Variants in PRMT9 observed in about 807,000 individuals in gnomAD.
PRMT9 encodes protein arginine methyltransferase 9.
In PRMT9, 59 loss-of-function variants were observed where a neutral mutation model predicts 83.2. That is an observed-to-expected ratio of 0.71 (90% CI 0.57 to 0.88). The LOEUF (loss-of-function observed/expected upper bound fraction) is 0.88, where lower values mean the gene tolerates loss of function less well. PRMT9 is among the 40% of genes least tolerant of loss of function. The pLI, the probability that PRMT9 is intolerant of heterozygous loss-of-function variation, is 0.00. For synonymous variants in PRMT9, 333 were observed against 353.2 expected, an observed-to-expected ratio of 0.94 and a Z score of 0.64; for missense variants, 947 against 1,021.9, an observed-to-expected ratio of 0.93 and a Z score of 1.00.
intron 10 of PRMT9, among the ~76,000 whole-genome samples, chr4:147,640,429 TTA>T (rs1733319778): frequency 2.0e-5 from 3 of 152,010 alleles, no homozygotes; most frequent in Non-Finnish European, 2.9e-5. Flanking sequence ...GCTCATAACT[TTA>T]TGAGTTCTCT....
In PRMT9 at chr4:147,673,017, T is replaced by G. The variant is rs765702962; in HGVS notation, c.685A>C (p.Ile229Leu). The G allele has an allele frequency of 6.8e-6, 11 of 1,613,918 alleles. No homozygotes were observed. The African/African-American group carries it at 1.3e-4, about 20-fold the overall frequency. The part of the protein sequence containing the change: ...VVAANKMEAG[I>L]KLLHTKSLDI... ...AGTGACTTCGTATGTAAGAGTTTGA[T>G]CCCTGCTTCCATCTTGTTTGCTGCC... is the stretch of plus-strand genomic sequence containing the variant. Residue 229 changes from isoleucine (I) to leucine (L), a missense_variant, in exon 4 of 12, where the codon ATC becomes CTC. Coordinates refer to ENST00000322396, the MANE Select transcript of PRMT9 (RefSeq NM_138364.4).
chr4:147,644,835 C>G (rs934003305), intron 9 of PRMT9, among the ~76,000 whole-genome samples: 55 of 152,164 alleles, frequency 3.6e-4, no homozygotes, highest in Admixed American at 2.6e-4. Context: ...GTGGGTGGGC[C>G]ACCTACTGAC....
At chr4:147,653,464 A>C (rs1015179435) in intron 9 of PRMT9, among the ~76,000 whole-genome samples, 1 of 151,166 alleles carries the variant, frequency 6.6e-6, no homozygotes, top group African/African-American at 2.4e-5. Flanking sequence ...ATATATATAT[A>C]TATATCTTGG....
At chr4:147,643,360 G>A (rs1018087447) in intron 9 of PRMT9, among the ~76,000 whole-genome samples, 1 of 152,178 alleles carries the variant, frequency 6.6e-6, no homozygotes, top group Non-Finnish European at 1.5e-5. Context: ...TTAGTAAAGA[G>A]CTACAGATTA....
chr4:147,676,861 T>C (rs1433496379), intron 2 of PRMT9, among the ~76,000 whole-genome samples: 3 of 152,004 alleles, frequency 2.0e-5, no homozygotes, highest in Non-Finnish European at 4.4e-5. Context: ...CTGGGCAACA[T>C]GGTGAAACCC....
chr4:147,683,774 G>A, intron 1 of PRMT9, 25 bp downstream of exon 1: 1 of 1,252,054 alleles, frequency 8.0e-7, no homozygotes, highest in Non-Finnish European at 1.1e-6. Flanking sequence ...GGATCTGCCA[G>A]CAAGTGAGAA....
intron 9 of PRMT9, among the ~76,000 whole-genome samples, chr4:147,648,295 T>C (rs1205589643): frequency 6.6e-6 from 1 of 152,070 alleles, no homozygotes; most frequent in Non-Finnish European, 1.5e-5. Context: ...ACACTGAAGG[T>C]TGAGTTGATC....
At chr4:147,650,724 C>A (rs564244133) in intron 9 of PRMT9, among the ~76,000 whole-genome samples, 1 of 152,292 alleles carries the variant, frequency 6.6e-6, no homozygotes, top group South Asian at 2.1e-4. Flanking sequence ...CACTTCCTGA[C>A]CTTAAACAAA....
chr4:147,669,023 C>T (rs1735555604), intron 5 of PRMT9, among the ~76,000 whole-genome samples: 2 of 151,872 alleles, frequency 1.3e-5, no homozygotes, highest in Non-Finnish European at 2.9e-5. Flanking sequence ...GAGGCAGAGG[C>T]TGCAGTGAGC....
At chr4:147,639,232 T>C (rs1471556251) in intron 10 of PRMT9, 150 bp from the exon 11 acceptor site, 7 of 667,070 alleles carry the variant, frequency 1.0e-5, no homozygotes, top group Non-Finnish European at 1.8e-5. Context: ...TTACCTCCTT[T>C]ATATTCCCAC....
rs1350560404 is a variant in PRMT9 at position 147,654,294 on chromosome 4, C to T, written c.1603G>A (p.Glu535Lys). The T allele has an allele frequency of 6.2e-7, 1 of 1,614,210 alleles. No homozygotes were observed. Among genetic ancestry groups the T allele is most frequent in the South Asian group, 1.1e-5 (1 of 91,076 alleles). Residue 535 changes from glutamate to lysine, a missense_variant, in exon 9 of 12, where the codon GAA becomes AAA. By Grantham distance (56) the Glu-to-Lys change is moderately conservative. Transcript: ENST00000322396. ...TTGCTCATTGCCATTTTAAAGCCTT[C>T]ATGATATGGGATGTTGTTAAGCAAA... ...IALLNNIPYH[E>K]GFKMAMSKVL...
intron 9 of PRMT9, among the ~76,000 whole-genome samples, chr4:147,651,057 A>G (rs762976565): frequency 6.6e-6 from 1 of 151,960 alleles, no homozygotes; most frequent in Admixed American, 6.6e-5. Context: ...GAGGTGAGAT[A>G]GCGCCACTGC....
At position 147,654,497 on chromosome 4, in the gene PRMT9, TG is replaced by T; in HGVS notation, c.1399del (p.Gln467ArgfsTer27). The T allele has an allele frequency of 6.2e-7, 1 of 1,614,006 alleles. No homozygotes were observed. Among genetic ancestry groups the T allele is most frequent in the Non-Finnish European group, 8.5e-7 (1 of 1,179,976 alleles). Reference sequence around the variant, plus strand: ...TTCCAAACCCAAGACACTAATACTCTGGATTCTTAAGTAACAGTCTTGACAA... The same window carrying T: ...TTCCAAACCCAAGACACTAATACTCTGATTCTTAAGTAACAGTCTTGACAA... ...VSCQDCYLRI[Q>X]SISVLGLECE... On this transcript the variant is annotated frameshift_variant, in exon 9 of 12. Coordinates refer to ENST00000322396, the MANE Select transcript of PRMT9 (RefSeq NM_138364.4). LOFTEE classifies it high-confidence loss of function.
Position 147,654,442 on chromosome 4 carries a change from G to A in PRMT9, c.1455C>T (p.Thr485=), listed in dbSNP as rs780451725. The part of the protein sequence containing the change: ...ECEMDVAKSF[T]QNKDLLSLGN... ...CTAACGATAACAAGTCTTTATTCTG[G>A]GTAAAACTTTTTGCAACATCCATTT... Residue 485 remains threonine (T), a synonymous_variant, in exon 9 of 12, where the codon ACC becomes ACT. Coordinates refer to ENST00000322396, the MANE Select transcript of PRMT9 (RefSeq NM_138364.4). The A allele has an allele frequency of 1.2e-6, 2 of 1,613,952 alleles. No individual in the cohort carries two copies. Among genetic ancestry groups the A allele is most frequent in the East Asian group, 4.5e-5 (2 of 44,876 alleles).
chr4:147,638,509 A>G lies in PRMT9; in HGVS notation c.*23T>C. 1 of 1,584,208 alleles carries G rather than the reference A, an allele frequency of 6.3e-7. No individual in the cohort carries two copies. The highest frequency in any genetic ancestry group is 8.7e-7 in the Non-Finnish European group (1 of 1,153,308). Reference sequence around the variant, plus strand: ...GTACTTGTTGATGCTCTATTTACACAGTTTTCATTGGAAAACTGCTCTTCA... The same window carrying G: ...GTACTTGTTGATGCTCTATTTACACGGTTTTCATTGGAAAACTGCTCTTCA... On this transcript the variant is annotated 3_prime_UTR_variant, in exon 12 of 12. Coordinates refer to ENST00000322396, the MANE Select transcript of PRMT9 (RefSeq NM_138364.4).
At chr4:147,656,439 C>G (rs745916909) in intron 8 of PRMT9, among the ~76,000 whole-genome samples, 1 of 151,982 alleles carries the variant, frequency 6.6e-6, no homozygotes, top group Non-Finnish European at 1.5e-5. Flanking sequence ...ACTACAAGCA[C>G]TTGCCACCAT....
chr4:147,671,970 A>G (rs1179803307), intron 4 of PRMT9: 5 of 448,940 alleles, frequency 1.1e-5, no homozygotes, highest in Admixed American at 9.8e-5. Flanking sequence ...ACAAGAAACC[A>G]AACTTGCCAA....
At chr4:147,683,452 G>C (rs527243735) in intron 1 of PRMT9, among the ~76,000 whole-genome samples, 4 of 152,322 alleles carry the variant, frequency 2.6e-5, no homozygotes, top group East Asian at 1.9e-4. Context: ...TAGTAAAGGG[G>C]AAGATGGTGA....
intron 9 of PRMT9, among the ~76,000 whole-genome samples, chr4:147,651,149 G>C (rs922594971): frequency 2.0e-5 from 3 of 151,506 alleles, no homozygotes; most frequent in African/African-American, 7.3e-5. Context: ...CACAAATTAT[G>C]TTCAGAAAAC....
Sources: gnomAD v4.1 joint callset for allele counts (sites outside exome capture counted in the v4.1 genomes callset) on GRCh38, gnomAD v4.1.1 for gene constraint, MANE v1.5 for transcripts, NCBI Gene and HGNC (gene_info 2026-07-23, HGNC 2026-07-21) for gene names.